The following SI variants were observed in gnomAD, a reference collection of about 807,000 sequenced individuals.
The protein encoded by SI is sucrase-isomaltase.
SI carries 235 observed loss-of-function variants against 253.3 expected under a neutral mutation model. The observed-to-expected ratio is 0.93, with a 90% CI of 0.83 to 1.03. The LOEUF (loss-of-function observed/expected upper bound fraction) is 1.03, where lower values mean the gene tolerates loss of function less well. Among genes scored for constraint, SI ranks in the 50% least tolerant of loss-of-function variants. The pLI is 0.00. For missense variants in SI, 2,442 were observed against 2,211.1 expected, an observed-to-expected ratio of 1.10 and a Z score of -2.09; for synonymous variants, 819 against 712.0, an observed-to-expected ratio of 1.15 and a Z score of -2.39.
intron 6 of SI, 140 bp downstream of exon 6, chr3:165,067,200 A>G: frequency 3.3e-6 from 2 of 611,992 alleles, no homozygotes; most frequent in South Asian, 2.4e-5. Context: ...AAACTCCTTT[A>G]TCACCGTAAT....
At chr3:165,015,039 G>C (rs1208484108) in intron 33 of SI, 84 bp downstream of exon 33, 1 of 1,009,920 alleles carries the variant, frequency 9.9e-7, no homozygotes, top group African/African-American at 1.6e-5. Flanking sequence ...CTCCTGAACG[G>C]TTTTAACTTT....
At chr3:164,999,374 T>A (rs528794079) in intron 37 of SI, among the ~76,000 whole-genome samples, 15 of 151,884 alleles carry the variant, frequency 9.9e-5, no homozygotes, top group South Asian at 6.2e-4. Context: ...TTTTCTTCTA[T>A]CTCCCTTTCT....
upstream of SI, among the ~76,000 whole-genome samples, chr3:165,081,614 C>A (rs1452454513): frequency 1.3e-5 from 2 of 151,742 alleles, no homozygotes; most frequent in Admixed American, 6.6e-5. Context: ...ATTTTCACAG[C>A]GATAATGCAG....
chr3:164,982,783 A>G (rs1717253813), intron 46 of SI, among the ~76,000 whole-genome samples: 2 of 151,930 alleles, frequency 1.3e-5, no homozygotes, highest in Admixed American at 1.3e-4. Flanking sequence ...TCAGCCTCCT[A>G]TGCAGCTGGG....
rs200977534 is a variant in SI at position 165,017,527 on chromosome 3, T to C, written c.3759+21A>G. 77 of 1,605,762 alleles carry C rather than the reference T, an allele frequency of 4.8e-5. No homozygotes were observed. The East Asian group carries it at 1.5e-3, about 31-fold the overall frequency. ...TTTACGTATTCCATATTTAACATTG[T>C]TTTAAAATTGATATACATACATAGG... On this transcript the variant is annotated intron_variant, in intron 31 of 47. Coordinates refer to ENST00000264382, the MANE Select transcript of SI (RefSeq NM_001041.4).
chr3:164,981,674 G>T (rs1051172272), intron 47 of SI, among the ~76,000 whole-genome samples: 1 of 152,220 alleles, frequency 6.6e-6, no homozygotes, highest in South Asian at 2.1e-4. Context: ...TTTAGAACTG[G>T]AAGGAGCTTA....
At chr3:165,005,440 G>A (rs1253986053) in intron 37 of SI, among the ~76,000 whole-genome samples, 1 of 151,728 alleles carries the variant, frequency 6.6e-6, no homozygotes, top group African/African-American at 2.4e-5. Context: ...TTGCATGCTT[G>A]GTATCTCACT....
At chr3:164,982,711 G>A (rs1255554437) in intron 46 of SI, among the ~76,000 whole-genome samples, 1 of 152,118 alleles carries the variant, frequency 6.6e-6, no homozygotes, top group African/African-American at 2.4e-5. Flanking sequence ...AGGCTGGAGT[G>A]CAATAGTGCA....
chr3:164,990,317 A>G (rs1717670546), intron 44 of SI, among the ~76,000 whole-genome samples: 1 of 152,156 alleles, frequency 6.6e-6, no homozygotes, highest in Non-Finnish European at 1.5e-5. Context: ...CATGTCAGAA[A>G]CAGAAAAGTA....
rs781132275 is a variant in SI at position 165,015,981 on chromosome 3, C to T, written c.3859G>A (p.Gly1287Arg). 1.2e-6 allele frequency: 2 copies of T among 1,611,196 alleles called. No homozygotes were observed. The highest frequency in any genetic ancestry group is 2.2e-5 in the South Asian group (2 of 91,048). ...ATAATAATGTATCTCATTCCTTCTC[C>T]TCTTATTTTGTCAACAAACTGAGGA... ...DLPQFVDKIR[G>R]EGMRYIIILD... The change falls in exon 32 of 48, where the codon GGA becomes AGA. Residue 1287 changes from glycine (G) to arginine (R), a missense_variant. Physicochemically the swap from Gly to Arg is moderately radical, Grantham distance 125. Coordinates refer to ENST00000264382, the MANE Select transcript of SI (RefSeq NM_001041.4).
chr3:165,063,549 G>T lies in SI; in HGVS notation c.808-8C>A, dbSNP rs200362873. 3.9e-4 allele frequency: 470 copies of T among 1,215,844 alleles called. No homozygotes were observed. The highest frequency in any genetic ancestry group is 5.0e-4 in the Non-Finnish European group (413 of 829,822). The allele number at this position is 1,215,844 out of a possible 1,614,324, so 75.3% of individuals were successfully genotyped here. On this transcript the variant is annotated splice_polypyrimidine_tract_variant and splice_region_variant and intron_variant, in intron 7 of 47. Coordinates refer to ENST00000264382, the MANE Select transcript of SI (RefSeq NM_001041.4). ...GTATAAATTATTATTATTCTATAAG[G>T]CAAGAATTTGAAAATACGATTTTCA...
intron 44 of SI, among the ~76,000 whole-genome samples, chr3:164,987,435 G>A (rs1717492927): frequency 6.6e-6 from 1 of 152,128 alleles, no homozygotes; most frequent in Non-Finnish European, 1.5e-5. Context: ...TTTAGGCCGG[G>A]TGCGGTGGCT....
chr3:165,007,259 T>C lies in SI; in HGVS notation c.4268-305A>G, dbSNP rs75974317. On this transcript the variant is annotated intron_variant, in intron 36 of 47. Transcript: ENST00000264382. ...TTTATTAAAAATTCACTTGGTATCA[T>C]AAAGCCCAGAGTTTAAGGGCTAGGC... Among the ~76,000 whole-genome samples, 658 of 152,240 alleles carry C rather than the reference T, an allele frequency of 4.3e-3. 3 individuals carry two copies. The highest frequency in any genetic ancestry group is 0.015 in the African/African-American group (634 of 41,574).
At chr3:165,086,448 T>C in the SI span, among the ~76,000 whole-genome samples, 1 of 152,124 alleles carries the variant, frequency 6.6e-6, no homozygotes, top group Non-Finnish European at 1.5e-5. Flanking sequence ...GAGAATAATA[T>C]GTCAGCATCT....
chr3:165,068,626 G>A (rs1714381141), intron 5 of SI, 96 bp downstream of exon 5: 12 of 866,040 alleles, frequency 1.4e-5, no homozygotes, highest in Admixed American at 1.0e-4. Context: ...GCCCACGTCA[G>A]CTTCCCAAAG....
chr3:165,051,296 G>A (rs1713416158), intron 13 of SI, among the ~76,000 whole-genome samples: 1 of 151,846 alleles, frequency 6.6e-6, no homozygotes, highest in Admixed American at 6.6e-5. Context: ...GTGCTCAAGG[G>A]AAAAAAGAAT....
intron 3 of SI, among the ~76,000 whole-genome samples, chr3:165,073,704 T>A (rs1714749635): frequency 1.3e-5 from 2 of 152,052 alleles, no homozygotes; most frequent in South Asian, 4.1e-4. Flanking sequence ...ATCAAAAATA[T>A]TTCAAGGAAC....
intron 2 of SI, among the ~76,000 whole-genome samples, chr3:165,074,957 T>G (rs1714855133): frequency 6.7e-6 from 1 of 149,620 alleles, no homozygotes; most frequent in South Asian, 2.1e-4. Flanking sequence ...TAACAAAATA[T>G]ACATTCATAC....
chr3:165,040,667 C>A (rs577331175), intron 18 of SI, among the ~76,000 whole-genome samples: 10 of 152,056 alleles, frequency 6.6e-5, no homozygotes, highest in East Asian at 3.9e-4. Flanking sequence ...TTTAAAAATT[C>A]TATGCTTAAT....
Sources: allele counts gnomAD v4.1 joint callset (sites outside exome capture counted in the v4.1 genomes callset), GRCh38; gene constraint gnomAD v4.1.1; transcripts MANE v1.5; gene names NCBI Gene and HGNC (gene_info 2026-07-23, HGNC 2026-07-21).